The following VWA3B variants were observed in gnomAD, a reference collection of about 807,000 sequenced individuals.
VWA3B encodes von Willebrand factor A domain containing 3B, also known as von Willebrand factor A domain-containing protein 3B.
In VWA3B, 138 loss-of-function variants were observed where a neutral mutation model predicts 158.3. That is an observed-to-expected ratio of 0.87 (90% CI 0.76 to 1.00). The LOEUF (loss-of-function observed/expected upper bound fraction) is 1.00. Among genes scored for constraint, VWA3B ranks in the 50% least tolerant of loss-of-function variants. VWA3B has a pLI of 0.00. For missense variants in VWA3B, 1,555 were observed against 1,565.1 expected, an observed-to-expected ratio of 0.99 and a Z score of 0.11; for synonymous variants, 596 against 587.3, an observed-to-expected ratio of 1.01 and a Z score of -0.21.
Position 98,194,396 on chromosome 2 carries a change from G to C in VWA3B, c.1641G>C (p.Val547=), listed in dbSNP as rs765248626. 2.5e-6 allele frequency: 4 copies of C among 1,614,068 alleles called. No homozygotes were observed. The highest frequency in any genetic ancestry group is 3.4e-6 in the Non-Finnish European group (4 of 1,179,972). Residue 547 remains valine (V), a synonymous_variant, in exon 12 of 28, where the codon GTG becomes GTC. Transcript: ENST00000477737. ...QLKYKSKFNF[V]KFDGQAVAWR... Reference sequence around the variant, plus strand: ...AATATAAAAGTAAGTTTAACTTTGTGAAGTTTGATGGTCAAGCAGTTGCTT... The same window carrying C: ...AATATAAAAGTAAGTTTAACTTTGTCAAGTTTGATGGTCAAGCAGTTGCTT...
chr2:98,175,279 T>C (rs977913679), intron 8 of VWA3B, among the ~76,000 whole-genome samples: 6 of 152,242 alleles, frequency 3.9e-5, no homozygotes, highest in Non-Finnish European at 1.5e-5. Context: ...TTTAAATATG[T>C]CAAAGAACTA....
chr2:98,149,041 G>A (rs1357691216), intron 7 of VWA3B, among the ~76,000 whole-genome samples: 1 of 152,110 alleles, frequency 6.6e-6, no homozygotes, highest in Non-Finnish European at 1.5e-5. Flanking sequence ...TTTTCTCATA[G>A]TATTTACTGA....
At chr2:98,237,064 T>C (rs1685749951) in intron 19 of VWA3B, among the ~76,000 whole-genome samples, 1 of 152,202 alleles carries the variant, frequency 6.6e-6, no homozygotes, top group Non-Finnish European at 1.5e-5. Flanking sequence ...TAGCCCCAGC[T>C]ACTTGAGCCA....
chr2:98,098,949 A>G (rs985831113), intron 2 of VWA3B, among the ~76,000 whole-genome samples: 1 of 152,082 alleles, frequency 6.6e-6, no homozygotes, highest in Non-Finnish European at 1.5e-5. Flanking sequence ...TAAGCTGATA[A>G]CAAGTTAATT....
intron 19 of VWA3B, among the ~76,000 whole-genome samples, chr2:98,244,160 C>T (rs1271150653): frequency 6.6e-6 from 1 of 152,138 alleles, no homozygotes; most frequent in African/African-American, 2.4e-5. Flanking sequence ...ATGTTATGAA[C>T]ATTTTTCCTT....
rs1008007325 is a variant in VWA3B, at chr2:98,270,748, G to A, written c.2910G>A (p.Arg970=). ...NKTVLNQALE[R]LNWPISLKEL... ...CAGTTTTAAACCAGGCTTTAGAACGGTTGAATTGGCCCATTTCACTGAAAG... is the reference window on the plus strand; with the variant it reads ...CAGTTTTAAACCAGGCTTTAGAACGATTGAATTGGCCCATTTCACTGAAAG... Residue 970 remains arginine, a synonymous_variant, in exon 22 of 28, where the codon CGG becomes CGA. Transcript: ENST00000477737. 6.2e-7 allele frequency: 1 copy of A among 1,614,024 alleles called. No homozygotes were observed. The highest frequency in any genetic ancestry group is 8.5e-7 in the Non-Finnish European group (1 of 1,179,992).
chr2:98,163,004 A>C, intron 8 of VWA3B, 28 bp downstream of exon 8: 1 of 1,612,356 alleles, frequency 6.2e-7, no homozygotes, highest in South Asian at 1.1e-5. Context: ...TCACTGGTGT[A>C]AAAGATTCAT....
chr2:98,249,351 A>T (rs751126985), intron 19 of VWA3B, among the ~76,000 whole-genome samples: 11 of 152,180 alleles, frequency 7.2e-5, no homozygotes, highest in Non-Finnish European at 1.6e-4. Context: ...GGTAGGTAAT[A>T]TGCAAATAGG....
At chr2:98,290,222 T>A (rs1481995766) in intron 22 of VWA3B, among the ~76,000 whole-genome samples, 1 of 152,166 alleles carries the variant, frequency 6.6e-6, no homozygotes, top group Non-Finnish European at 1.5e-5. Context: ...CATATTCACA[T>A]GGCCAGCATG....
Position 98,125,953 on chromosome 2 carries a change from C to T in VWA3B, c.703-2286C>T, listed in dbSNP as rs1462650328. 6.6e-6 allele frequency among the ~76,000 whole-genome samples: 1 copy of T among 152,168 alleles called. No homozygotes were observed. Among genetic ancestry groups the T allele is most frequent in the Admixed American group, 6.5e-5 (1 of 15,280 alleles). Reference sequence around the variant, plus strand: ...TGCTGGGATTACAGGTATGAGCCACCGCTCCCGGCCACCTTTCTGTTTTTC... The same window carrying T: ...TGCTGGGATTACAGGTATGAGCCACTGCTCCCGGCCACCTTTCTGTTTTTC... On this transcript the variant is annotated intron_variant, in intron 5 of 27. Transcript: ENST00000477737. This position sits in a 1 kb window ranked among gnomAD's most constrained non-coding sequence, Gnocchi z 4.1.
At chr2:98,302,612 C>T (rs1224223000) in intron 25 of VWA3B, among the ~76,000 whole-genome samples, 2 of 152,152 alleles carry the variant, frequency 1.3e-5, no homozygotes, top group African/African-American at 2.4e-5. Flanking sequence ...CCCTTGGATC[C>T]TCAGAACACC....
At chr2:98,158,835 G>T (rs4851839) in intron 7 of VWA3B, among the ~76,000 whole-genome samples, 53 of 151,954 alleles carry the variant, frequency 3.5e-4, no homozygotes, top group African/African-American at 1.2e-3. Context: ...GGTTCATGGT[G>T]CAGAGTGTTA....
At chr2:98,102,151 G>A (rs1192578045) in intron 2 of VWA3B, among the ~76,000 whole-genome samples, 14 of 150,768 alleles carry the variant, frequency 9.3e-5, no homozygotes, top group African/African-American at 3.2e-4. Context: ...TTAACCCTGA[G>A]TTGACACAGC....
At position 98,092,848 on chromosome 2, in the gene VWA3B, A is replaced by ATATATG. The variant is rs1682436061; in HGVS notation, c.-32-208_-32-207insGTATAT. 2.2e-5 allele frequency among the ~76,000 whole-genome samples: 3 copies of ATATATG among 134,220 alleles called. No homozygotes were observed. In the South Asian group the frequency reaches 7.2e-4, roughly 32 times the overall value. 88.1% of individuals were successfully genotyped at this position (134,220 alleles called of 152,430 possible). On this transcript the variant is annotated intron_variant, in intron 1 of 27. Coordinates refer to ENST00000477737, the MANE Select transcript of VWA3B (RefSeq NM_144992.5). ...TATATATATATATATATATATATAT[A>ATATATG]TATATATATATAGTTGAATATTGAA...
intron 22 of VWA3B, among the ~76,000 whole-genome samples, chr2:98,289,240 T>C (rs900697778): frequency 6.6e-6 from 1 of 152,216 alleles, no homozygotes; most frequent in Non-Finnish European, 1.5e-5. Context: ...TATATATGCA[T>C]ATATTTCCAA....
At chr2:98,211,866 A>C in intron 12 of VWA3B, 64 bp from the exon 13 acceptor site, 1 of 1,408,246 alleles carries the variant, frequency 7.1e-7, no homozygotes, top group Non-Finnish European at 9.9e-7. Context: ...GCAGAAAATA[A>C]ATACTTGTTT....
chr2:98,118,659 G>T (rs1412404740), intron 3 of VWA3B, among the ~76,000 whole-genome samples: 7 of 152,048 alleles, frequency 4.6e-5, no homozygotes, highest in Non-Finnish European at 8.8e-5. Flanking sequence ...ATAAACCCAG[G>T]CATTTGAGCC....
intron 20 of VWA3B, among the ~76,000 whole-genome samples, chr2:98,251,370 G>A (rs1398016392): frequency 6.6e-6 from 1 of 152,028 alleles, no homozygotes; most frequent in Non-Finnish European, 1.5e-5. Context: ...GGAAATAACG[G>A]CTTTTGTTAA....
chr2:98,139,197 G>A (rs769411369), intron 7 of VWA3B, among the ~76,000 whole-genome samples: 3 of 152,222 alleles, frequency 2.0e-5, no homozygotes, highest in African/African-American at 7.2e-5. Context: ...CCGGCCCACC[G>A]GAGCTGCTCT....
Sources: gnomAD v4.1 joint callset for allele counts (sites outside exome capture counted in the v4.1 genomes callset) on GRCh38, gnomAD v4.1.1 for gene constraint, Gnocchi (gnomAD v3.1) non-coding constraint, MANE v1.5 for transcripts, NCBI Gene and HGNC (gene_info 2026-07-23, HGNC 2026-07-21) for gene names.